Variants in SYCE1L observed in about 807,000 individuals in gnomAD.
SYCE1L encodes synaptonemal complex central element protein 1-like.
A neutral mutation model predicts 39.6 loss-of-function variants in SYCE1L; 51 were observed. That is an observed-to-expected ratio of 1.29 (90% CI 1.03 to 1.63). SYCE1L has a LOEUF of 1.63. SYCE1L is among the 40% of genes most tolerant of loss of function. The pLI, the probability that SYCE1L is intolerant of heterozygous loss-of-function variation, is 0.00. For synonymous variants in SYCE1L, 147 were observed against 122.4 expected, an observed-to-expected ratio of 1.20 and a Z score of -1.33; for missense variants, 426 against 304.9, an observed-to-expected ratio of 1.40 and a Z score of -2.96.
Position 77,212,337 on chromosome 16 carries a change from T to A in SYCE1L, c.549T>A (p.Pro183=). 2 of 1,524,840 alleles carry A rather than the reference T, an allele frequency of 1.3e-6. No homozygotes were observed. The highest frequency in any genetic ancestry group is 1.8e-6 in the Non-Finnish European group (2 of 1,137,936). The allele number at this position is 1,524,840 out of a possible 1,614,324, so 94.5% of individuals were successfully genotyped here. The change falls in exon 9 of 11, where the codon CCT becomes CCA. Residue 183 remains proline (P), a synonymous_variant. Transcript: ENST00000378644. ...REVERRLHSP[P]EVEGAMAVND... ...TGGAGCGGCGGCTGCACTCGCCGCC[T>A]GAGGTCGAGGGCGCCATGGCGGTGA... is the stretch of plus-strand genomic sequence containing the variant.
At chr16:77,212,495 C>A in intron 9 of SYCE1L, 79 bp from the exon 10 acceptor site, 1 of 1,538,606 alleles carries the variant, frequency 6.5e-7, no homozygotes, top group South Asian at 1.2e-5. Context: ...GTCGTCGGGT[C>A]TCCGCGTCTC....
intron 1 of SYCE1L, among the ~76,000 whole-genome samples, chr16:77,204,118 A>G (rs906800177): frequency 6.6e-6 from 1 of 152,156 alleles, no homozygotes; most frequent in African/African-American, 2.4e-5. Flanking sequence ...TGGTAAGAGT[A>G]TGATTTTGGG....
rs1597039861 is a variant in SYCE1L at position 77,212,507 on chromosome 16, G to T, written c.582-67G>T. On this transcript the variant is annotated intron_variant, in intron 9 of 10. Transcript: ENST00000378644. ...GGCGTCGTCGGGTCTCCGCGTCTCG[G>T]TGGCTTCCTCCTCGTCCCCTGGACT... is the stretch of plus-strand genomic sequence containing the variant. 1.2e-5 allele frequency: 18 copies of T among 1,538,610 alleles called. No homozygotes were observed. In the East Asian group the frequency reaches 4.4e-4, roughly 38 times the overall value.
At chr16:77,205,321 T>C (rs2054778426) in intron 1 of SYCE1L, among the ~76,000 whole-genome samples, 1 of 151,656 alleles carries the variant, frequency 6.6e-6, no homozygotes, top group Non-Finnish European at 1.5e-5. Flanking sequence ...ATTTGACTTT[T>C]ACCACTGATT....
At chr16:77,208,999 C>A in intron 4 of SYCE1L, 98 bp from the exon 5 acceptor site, 2 of 1,316,412 alleles carry the variant, frequency 1.5e-6, no homozygotes, top group Non-Finnish European at 2.1e-6. Flanking sequence ...TCTCCTAGGG[C>A]TGTACTACAC....
rs369924114 is a variant in SYCE1L, at chr16:77,199,456, C to T, written c.5C>T (p.Ala2Val). Residue 2 changes from alanine (A) to valine (V), a missense_variant, in exon 1 of 11, where the codon GCG becomes GTG. By Grantham distance (64) the Ala-to-Val change is moderately conservative. Coordinates refer to ENST00000378644, the MANE Select transcript of SYCE1L (RefSeq NM_001129979.3). M[A>V]GKLKPLNVEA... ...GCGCAGGCCCCGCGTTGGAAAATGG[C>T]GGGGAAGCTGAAACCTCTGAATGTG... The T allele has an allele frequency of 7.7e-6, 12 of 1,551,248 alleles. No individual in the cohort carries two copies. In the African/African-American group the frequency reaches 1.1e-4, roughly 14 times the overall value.
Position 77,208,540 on chromosome 16 carries a change from G to T in SYCE1L, c.256+1G>T, listed in dbSNP as rs763169184. On this transcript the variant is annotated splice_donor_variant, in intron 4 of 10. Transcript: ENST00000378644. LOFTEE classifies it high-confidence loss of function. ...GCCCTGCATAGGGAATTAGACTCCT[G>T]TAAGTGGGGCCAAAAGAGGGACCCA... 1 of 1,551,678 alleles carries T rather than the reference G, an allele frequency of 6.4e-7. No homozygotes were observed.
At position 77,212,949 on chromosome 16, in the gene SYCE1L, G is replaced by T. The variant is rs1483942341; in HGVS notation, c.*18G>T. On this transcript the variant is annotated 3_prime_UTR_variant, in exon 11 of 11. Transcript: ENST00000378644. ...CCCTCTAGGCCAGCAGGACCCGCCC[G>T]TTCCCGACCTTCCCTCGAGACCCGC... is the stretch of plus-strand genomic sequence containing the variant. 7.4e-6 allele frequency: 11 copies of T among 1,484,224 alleles called. No homozygotes were observed. The highest frequency in any genetic ancestry group is 9.8e-6 in the Non-Finnish European group (11 of 1,119,076). The allele number at this position is 1,484,224 out of a possible 1,614,324, so 91.9% of individuals were successfully genotyped here.
At chr16:77,206,534 G>C (rs1445395598) in intron 2 of SYCE1L, 34 bp downstream of exon 2, 3 of 1,549,398 alleles carry the variant, frequency 1.9e-6, no homozygotes, top group Non-Finnish European at 2.6e-6. Context: ...GCCTCAGCCT[G>C]GGGTTTCAAG....
chr16:77,208,210 A>G lies in SYCE1L; in HGVS notation c.122A>G (p.Glu41Gly), dbSNP rs759931856. ...LLAMVIKLQK[E>G]GSLEPQIEDL... ...ACTCTTTCTTCCTTTCTTTCTTCAGAGGGAAGCCTGGAGCCACAGATAGAG... is the reference window on the plus strand; with the variant it reads ...ACTCTTTCTTCCTTTCTTTCTTCAGGGGGAAGCCTGGAGCCACAGATAGAG... Residue 41 changes from glutamate (E) to glycine (G), a missense_variant and splice_region_variant, in exon 3 of 11, where the codon GAG (glutamate) becomes GGG (glycine). By Grantham distance (98) the Glu-to-Gly change is moderately conservative (BLOSUM62 -2). Transcript: ENST00000378644. The G allele has an allele frequency of 2.1e-5, 32 of 1,551,228 alleles. 1 individual carries two copies. In the South Asian group the frequency reaches 3.7e-4, roughly 18 times the overall value.
chr16:77,209,311 C>T lies in SYCE1L; in HGVS notation c.305-106C>T, dbSNP rs921418320. ...CATCACTTGGAGTAAACACCCAAGT[C>T]CTCACAGTGCCCTCCAATGCCTGAC... On this transcript the variant is annotated intron_variant, in intron 5 of 10. Transcript: ENST00000378644. The T allele has an allele frequency of 9.4e-6, 13 of 1,377,624 alleles. No individual in the cohort carries two copies. In the African/African-American group the frequency reaches 1.4e-4, roughly 15 times the overall value. 85.3% of individuals were successfully genotyped at this position (1,377,624 alleles called of 1,614,324 possible). A position where few individuals can be genotyped will look rare whatever the true frequency, so the allele number is the denominator to read the frequency against.
At chr16:77,209,370 G>C (rs1477452967) in intron 5 of SYCE1L, 47 bp from the exon 6 acceptor site, 1 of 1,549,360 alleles carries the variant, frequency 6.5e-7, no homozygotes, top group Non-Finnish European at 8.7e-7. Flanking sequence ...GGCCAACCCT[G>C]ACTCCCCAAG....
At chr16:77,200,270 A>ATATATATATATG (rs1273001153) in intron 1 of SYCE1L, 1 of 95,022 alleles carries the variant, frequency 1.1e-5, no homozygotes, top group African/African-American at 3.4e-5. Flanking sequence ...ATATATATAT[A>ATATATATATATG]TGTGTATATA....
intron 1 of SYCE1L, chr16:77,200,598 A>G (rs1597380662): frequency 6.6e-6 from 1 of 152,080 alleles, no homozygotes; most frequent in African/African-American, 2.4e-5. Context: ...TCTACTAAAA[A>G]TACAAAAATT....
rs1310732670 is a variant in SYCE1L at position 77,211,233 on chromosome 16, T to C, written c.380T>C (p.Leu127Pro). 1 of 1,551,930 alleles carries C rather than the reference T, an allele frequency of 6.4e-7. No homozygotes were observed. Among genetic ancestry groups the C allele is most frequent in the Admixed American group, 2.0e-5 (1 of 51,000 alleles). The change falls in exon 7 of 11, where the codon CTG (leucine) becomes CCG (proline). Residue 127 changes from leucine (L) to proline (P), a missense_variant. Coordinates refer to ENST00000378644, the MANE Select transcript of SYCE1L (RefSeq NM_001129979.3). ...EAQRLDVRGQLEDLMGQHKDL... is the reference protein window; with the variant it reads ...EAQRLDVRGQPEDLMGQHKDL... ...TCCAGGTTGGATGTCAGAGGACAGC[T>C]GGAGGATCTGATGGGCCAGCACAAG...
chr16:77,200,077 A>T (rs1172561715), intron 1 of SYCE1L: 1 of 151,852 alleles, frequency 6.6e-6, no homozygotes, highest in Admixed American at 6.6e-5. Context: ...CACGCCTGTA[A>T]TCCCAGCACT....
At chr16:77,201,898 A>C (rs1445654727) in intron 1 of SYCE1L, 1 of 152,216 alleles carries the variant, frequency 6.6e-6, no homozygotes, top group East Asian at 1.9e-4. Flanking sequence ...GAGACAAGCC[A>C]GTTGGGATTG....
In SYCE1L at chr16:77,200,334, C is replaced by T. The variant is rs543401589; in HGVS notation, c.61+822C>T. On this transcript the variant is annotated intron_variant, in intron 1 of 10. Transcript: ENST00000378644. ...GGGCGCGGTGGTGTGGGCCTGTAAT[C>T]GCAGCTACTCAGGAAGCTGAGGCAG... The T allele has an allele frequency of 6.1e-5, 9 of 146,430 alleles. No homozygotes were observed. In the East Asian group the frequency reaches 1.6e-3, roughly 26 times the overall value. 9.1% of individuals were successfully genotyped at this position (146,430 alleles called of 1,614,324 possible). A position where few individuals can be genotyped will look rare whatever the true frequency, so the allele number is the denominator to read the frequency against.
At chr16:77,204,076 A>G (rs556894247) in intron 1 of SYCE1L, among the ~76,000 whole-genome samples, 1 of 152,256 alleles carries the variant, frequency 6.6e-6, no homozygotes, top group East Asian at 1.9e-4. Flanking sequence ...GTTGGCAAAA[A>G]AAAAAAGAAA....
Sources: allele counts gnomAD v4.1 joint callset (sites outside exome capture counted in the v4.1 genomes callset), GRCh38; gene constraint gnomAD v4.1.1; transcripts MANE v1.5; gene names NCBI Gene and HGNC (gene_info 2026-07-23, HGNC 2026-07-21).